The following ZNF786 variants were observed in gnomAD, a reference collection of about 807,000 sequenced individuals.
ZNF786 encodes zinc finger protein 786.
ZNF786 carries 56 observed loss-of-function variants against 63.1 expected under a neutral mutation model. The observed-to-expected ratio is 0.89, with a 90% CI of 0.72 to 1.11. ZNF786 has a LOEUF of 1.11. Ranked by LOEUF, ZNF786 falls within the 50% of genes least tolerant of loss-of-function variation. ZNF786 has a pLI of 0.00. For missense variants in ZNF786, 1,213 were observed against 1,041.8 expected (o/e 1.16, Z -2.26); for synonymous variants, 485 against 406.9 (o/e 1.19, Z -2.31).
At chr7:149,084,800 G>T (rs915451576) in intron 1 of ZNF786, among the ~76,000 whole-genome samples, 3 of 152,078 alleles carry the variant, frequency 2.0e-5, no homozygotes, top group Non-Finnish European at 4.4e-5. Context: ...GTTTAATTAG[G>T]TCCCATGTGT....
chr7:149,077,292 T>C lies in ZNF786; in HGVS notation c.146-2754A>G, dbSNP rs569299224. Reference sequence around the variant, plus strand: ...TCTATAGATTCATTTGGGGAGAGAATTGACAGAAGGCAGAAAGATCCATGT... The same window carrying C: ...TCTATAGATTCATTTGGGGAGAGAACTGACAGAAGGCAGAAAGATCCATGT... On this transcript the variant is annotated intron_variant, in intron 2 of 3. Transcript: ENST00000491431. Among the ~76,000 whole-genome samples, 404 of 152,252 alleles carry C rather than the reference T, an allele frequency of 2.7e-3. 3 individuals carry two copies. Among genetic ancestry groups the C allele is most frequent in the African/African-American group, 9.3e-3 (387 of 41,548 alleles).
In ZNF786 at chr7:149,071,141, T is replaced by C. The variant is rs868421355; in HGVS notation, c.1631A>G (p.Lys544Arg). 9 of 1,604,784 alleles carry C rather than the reference T, an allele frequency of 5.6e-6. No individual in the cohort carries two copies. Among genetic ancestry groups the C allele is most frequent in the Middle Eastern group, 1.7e-4 (1 of 6,016 alleles). Residue 544 changes from lysine to arginine, a missense_variant, in exon 4 of 4, where the codon AAG becomes AGG. Coordinates refer to ENST00000491431, the MANE Select transcript of ZNF786 (RefSeq NM_152411.4). The part of the protein sequence containing the change: ...ERPFQCLKCD[K>R]RFRLKGILKA... ...CAGGATGCCCTTCAGGCGGAAGCGC[T>C]TGTCGCACTTCAGGCACTGGAAGGG...
chr7:149,070,985 G>C lies in ZNF786; in HGVS notation c.1787C>G (p.Pro596Arg), dbSNP rs895062832. Residue 596 changes from proline (P) to arginine (R), a missense_variant, in exon 4 of 4, where the codon CCA (proline) becomes CGA (arginine). Coordinates refer to ENST00000491431, the MANE Select transcript of ZNF786 (RefSeq NM_152411.4). The part of the protein sequence containing the change: ...VHSGERPFQC[P>R]ECNRSFRLKG... ...CAGGCGGAAGCTCCTGTTGCACTCT[G>C]GGCACTGGAAGGGTCTCTCCCCGCT... 6.2e-7 allele frequency: 1 copy of C among 1,612,992 alleles called. No homozygotes were observed. Among genetic ancestry groups the C allele is most frequent in the South Asian group, 1.1e-5 (1 of 91,068 alleles).
intron 2 of ZNF786, among the ~76,000 whole-genome samples, chr7:149,074,898 T>C (rs2129514727): frequency 6.6e-6 from 1 of 152,212 alleles, no homozygotes; most frequent in East Asian, 1.9e-4. Flanking sequence ...TGGAGTGCAG[T>C]GGTGCAATCA....
rs1220956537 is a variant in ZNF786, at chr7:149,071,178, T to C, written c.1594A>G (p.Ser532Gly). The C allele has an allele frequency of 1.2e-6, 2 of 1,612,298 alleles. No homozygotes were observed. The highest frequency in any genetic ancestry group is 1.7e-5 in the Admixed American group (1 of 59,996). The change falls in exon 4 of 4, where the codon AGC becomes GGC. Residue 532 changes from serine to glycine, a missense_variant. Ser to Gly is a moderately conservative substitution (Grantham distance 56). Transcript: ENST00000491431. ...AGGCACTGGAAGGGCCTCTCCCCGC[T>C]GTGCACTCTCAGGTGCTCACGGAGC... ...CKLREHLRVH[S>G]GERPFQCLKC...
intron 1 of ZNF786, among the ~76,000 whole-genome samples, chr7:149,081,991 A>T (rs557939597): frequency 4.6e-5 from 7 of 152,162 alleles, no homozygotes; most frequent in Non-Finnish European, 8.8e-5. Flanking sequence ...AGAACTCAGT[A>T]CCTTTTACAA....
At position 149,072,219 on chromosome 7, in the gene ZNF786, T is replaced by C; in HGVS notation, c.553A>G (p.Thr185Ala). 6.2e-7 allele frequency: 1 copy of C among 1,613,572 alleles called. No individual in the cohort carries two copies. The highest frequency in any genetic ancestry group is 1.3e-5 in the African/African-American group (1 of 75,020). The part of the protein sequence containing the change: ...GLWDVPAWES[T>A]QHPWPVCGES... ...CCGCAGACAGGCCAAGGGTGCTGGGTGCTCTCCCAGGCGGGGACGTCCCAC... is the reference window on the plus strand; with the variant it reads ...CCGCAGACAGGCCAAGGGTGCTGGGCGCTCTCCCAGGCGGGGACGTCCCAC... Residue 185 changes from threonine (T) to alanine (A), a missense_variant, in exon 4 of 4, where the codon ACC (threonine) becomes GCC (alanine). Physicochemically the swap from Thr to Ala is moderately conservative, Grantham distance 58. Coordinates refer to ENST00000491431, the MANE Select transcript of ZNF786 (RefSeq NM_152411.4).
At chr7:149,073,703 A>G (rs1439418743) in intron 3 of ZNF786, among the ~76,000 whole-genome samples, 2 of 140,154 alleles carry the variant, frequency 1.4e-5, no homozygotes, top group Non-Finnish European at 3.1e-5. Context: ...ATGTATATAC[A>G]CGTGTGTGTG....
At chr7:149,076,746 G>C (rs1280540871) in intron 2 of ZNF786, among the ~76,000 whole-genome samples, 2 of 146,352 alleles carry the variant, frequency 1.4e-5, no homozygotes, top group African/African-American at 5.1e-5. Context: ...AAACTACATA[G>C]ACCATACCAC....
Position 149,071,943 on chromosome 7 carries a change from A to C in ZNF786, c.829T>G (p.Phe277Val). Residue 277 changes from phenylalanine to valine, a missense_variant, in exon 4 of 4, where the codon TTC (phenylalanine) becomes GTC (valine). Transcript: ENST00000491431. ...PFRNADGEMC[F>V]RHELTHPSHR... ...CTGGGATGGGTCAGCTCGTGTCGGA[A>C]GCACATTTCACCGTCAGCGTTCCGG... is the stretch of plus-strand genomic sequence containing the variant. 1 of 1,610,924 alleles carries C rather than the reference A, an allele frequency of 6.2e-7. No individual in the cohort carries two copies. The highest frequency in any genetic ancestry group is 8.5e-7 in the Non-Finnish European group (1 of 1,179,476).
In ZNF786 at chr7:149,070,642, G is replaced by A; in HGVS notation, c.2130C>T (p.Asp710=). Residue 710 remains aspartate, a synonymous_variant, in exon 4 of 4, where the codon GAC becomes GAT. Coordinates refer to ENST00000491431, the MANE Select transcript of ZNF786 (RefSeq NM_152411.4). The stretch of plus-strand genomic sequence containing the variant: ...TGTGTCCCCTTTCCCGGAAGTTCTT[G>A]TCACACTCAGGGCAGTGAAAAGGCC... ...GERPFHCPEC[D]KNFRERGHML... The A allele has an allele frequency of 5.6e-6, 9 of 1,613,948 alleles. No individual in the cohort carries two copies. Among genetic ancestry groups the A allele is most frequent in the Non-Finnish European group, 7.6e-6 (9 of 1,179,900 alleles).
Position 149,070,662 on chromosome 7 carries a change from A to C in ZNF786, c.2110T>G (p.Phe704Val). 1 of 1,613,942 alleles carries C rather than the reference A, an allele frequency of 6.2e-7. No individual in the cohort carries two copies. Among genetic ancestry groups the C allele is most frequent in the Non-Finnish European group, 8.5e-7 (1 of 1,179,890 alleles). Residue 704 changes from phenylalanine to valine, a missense_variant, in exon 4 of 4, where the codon TTT becomes GTT. Physicochemically the swap from Phe to Val is conservative, Grantham distance 50 (BLOSUM62 -1). Coordinates refer to ENST00000491431, the MANE Select transcript of ZNF786 (RefSeq NM_152411.4). ...HQGLHTGERPFHCPECDKNFR... is the reference protein window; with the variant it reads ...HQGLHTGERPVHCPECDKNFR... ...TTCTTGTCACACTCAGGGCAGTGAA[A>C]AGGCCTCTCCCCTGTGTGCAGGCCC...
At chr7:149,081,002 C>T (rs558118945) in intron 1 of ZNF786, among the ~76,000 whole-genome samples, 1 of 152,134 alleles carries the variant, frequency 6.6e-6, no homozygotes, top group Non-Finnish European at 1.5e-5. Context: ...TTTGTAACTT[C>T]ATTCACTTAA....
chr7:149,082,249 G>A (rs576168421), intron 1 of ZNF786, among the ~76,000 whole-genome samples: 33 of 152,246 alleles, frequency 2.2e-4, no homozygotes, highest in East Asian at 1.2e-3. Flanking sequence ...TGAGAAGACC[G>A]TGTGATTGTA....
At position 149,071,211 on chromosome 7, in the gene ZNF786, G is replaced by C. The variant is rs762791749; in HGVS notation, c.1561C>G (p.Gln521Glu). 3 of 1,610,864 alleles carry C rather than the reference G, an allele frequency of 1.9e-6. No individual in the cohort carries two copies. Among genetic ancestry groups the C allele is most frequent in the Non-Finnish European group, 1.7e-6 (2 of 1,178,062 alleles). Residue 521 changes from glutamine (Q) to glutamate (E), a missense_variant, in exon 4 of 4, where the codon CAG (glutamine) becomes GAG (glutamate). By Grantham distance (29) the Gln-to-Glu change is conservative (BLOSUM62 2). Coordinates refer to ENST00000491431, the MANE Select transcript of ZNF786 (RefSeq NM_152411.4). ...CSECGRGFTH[Q>E]CKLREHLRVH... is the part of the protein sequence containing the mutation. ...CTCAGGTGCTCACGGAGCTTGCACT[G>C]GTGGGTGAAGCCTCTGCCACACTCG...
Position 149,077,366 on chromosome 7 carries a change from G to A in ZNF786, c.146-2828C>T, listed in dbSNP as rs539815058. On this transcript the variant is annotated intron_variant, in intron 2 of 3. Coordinates refer to ENST00000491431, the MANE Select transcript of ZNF786 (RefSeq NM_152411.4). ...TGGGTGGCCAGGCGTGGTGACTCAC[G>A]CCTGTAATCCCAGCACTTTGGGAGG... Among the ~76,000 whole-genome samples the A allele has an allele frequency of 3.2e-4, 49 of 152,292 alleles. No individual in the cohort carries two copies. The South Asian group carries it at 6.4e-3, about 20-fold the overall frequency.
At chr7:149,080,764 T>C (rs1825638626) in intron 1 of ZNF786, 47 bp from the exon 2 acceptor site, 5 of 1,549,348 alleles carry the variant, frequency 3.2e-6, no homozygotes, top group Non-Finnish European at 3.5e-6. Flanking sequence ...TGCTTCAAAA[T>C]GACTCCAGCT....
At chr7:149,079,340 C>A (rs1825614821) in intron 2 of ZNF786, among the ~76,000 whole-genome samples, 1 of 151,484 alleles carries the variant, frequency 6.6e-6, no homozygotes, top group African/African-American at 2.4e-5. Flanking sequence ...ACCCGTAAGG[C>A]GGAGCTTGCA....
rs778767411 is a variant in ZNF786 at position 149,071,789 on chromosome 7, T to C, written c.983A>G (p.Glu328Gly). The change falls in exon 4 of 4, where the codon GAA becomes GGA. Residue 328 changes from glutamate (E) to glycine (G), a missense_variant. Glu to Gly is a moderately conservative substitution (Grantham distance 98). Coordinates refer to ENST00000491431, the MANE Select transcript of ZNF786 (RefSeq NM_152411.4). ...CACACTGCTGGAGGCCCCGCGGCCT[T>C]CTCTCCAAGAGGCCGGCCCCTCCCG... ...HSREGPASWR[E>G]GRGASSSVHS... 6.3e-7 allele frequency: 1 copy of C among 1,582,414 alleles called. No homozygotes were observed. Among genetic ancestry groups the C allele is most frequent in the Admixed American group, 1.7e-5 (1 of 58,590 alleles).
Sources: allele counts gnomAD v4.1 joint callset (sites outside exome capture counted in the v4.1 genomes callset), GRCh38; gene constraint gnomAD v4.1.1; transcripts MANE v1.5; gene names NCBI Gene and HGNC (gene_info 2026-07-23, HGNC 2026-07-21).